Variants in SLC2A11 observed in about 807,000 individuals in gnomAD.
SLC2A11 encodes solute carrier family 2, facilitated glucose transporter member 11.
Under a neutral mutation model 52.1 loss-of-function variants are expected in SLC2A11, and 43 were observed. That is an observed-to-expected ratio of 0.82 (90% CI 0.65 to 1.06). The LOEUF (loss-of-function observed/expected upper bound fraction) is 1.06. Among genes scored for constraint, SLC2A11 ranks in the 50% least tolerant of loss-of-function variants. The pLI is 0.00. For synonymous variants in SLC2A11, 261 were observed against 277.6 expected, an observed-to-expected ratio of 0.94 and a Z score of 0.59; for missense variants, 582 against 654.2, an observed-to-expected ratio of 0.89 and a Z score of 1.20.
At chr22:23,870,214 C>A in intron 3 of SLC2A11, 1 of 586,626 alleles carries the variant, frequency 1.7e-6, no homozygotes, top group Non-Finnish European at 3.0e-6. Context: ...ATAACTATTG[C>A]GCGGCTATCT....
At chr22:23,870,422 G>A (rs2032415423) in intron 3 of SLC2A11, 1 of 204,722 alleles carries the variant, frequency 4.9e-6, no homozygotes, top group African/African-American at 2.3e-5. Flanking sequence ...TTGTGTAGGG[G>A]AACACAACCA....
At chr22:23,860,885 G>A (rs1354176191) in intron 1 of SLC2A11, among the ~76,000 whole-genome samples, 16 of 143,386 alleles carry the variant, frequency 1.1e-4, no homozygotes, top group African/African-American at 4.2e-4. Context: ...TCGCTCTGTC[G>A]CCCAGGCTGG....
At chr22:23,863,634 T>TG (rs1555885263) in intron 2 of SLC2A11, among the ~76,000 whole-genome samples, 6 of 146,372 alleles carry the variant, frequency 4.1e-5, no homozygotes, top group African/African-American at 1.0e-4. Context: ...TTTTTTTTTT[T>TG]GGGACAGAGT....
intron 6 of SLC2A11, among the ~76,000 whole-genome samples, chr22:23,878,733 T>C (rs955863382): frequency 5.3e-5 from 8 of 152,204 alleles, no homozygotes; most frequent in African/African-American, 1.2e-4. Flanking sequence ...TTATTACTTA[T>C]GTCTCTCCTC....
At chr22:23,883,327 C>T (rs1443836477) in intron 8 of SLC2A11, 2 of 322,166 alleles carry the variant, frequency 6.2e-6, no homozygotes, top group Non-Finnish European at 1.2e-5. Context: ...AAAAATTAGC[C>T]AGGCGTGGTG....
intron 3 of SLC2A11, chr22:23,870,239 C>G: frequency 1.8e-6 from 1 of 555,616 alleles, no homozygotes; most frequent in Non-Finnish European, 3.2e-6. Flanking sequence ...ATACCTGGTA[C>G]AGTTGGCATA....
chr22:23,862,325 T>C (rs531564810), intron 2 of SLC2A11, 123 bp downstream of exon 2: 13 of 865,178 alleles, frequency 1.5e-5, no homozygotes, highest in African/African-American at 8.3e-5. Flanking sequence ...TTTGTCTCCA[T>C]TGGGTTGGCC....
At chr22:23,859,359 GC>G (rs923937419) in intron 1 of SLC2A11, among the ~76,000 whole-genome samples, 6 of 152,332 alleles carry the variant, frequency 3.9e-5, no homozygotes, top group African/African-American at 1.4e-4. Context: ...GCAGGATTCT[GC>G]CCTCCAGAGC....
Position 23,877,871 on chromosome 22 carries a change from T to A in SLC2A11, c.694+2T>A. The A allele has an allele frequency of 6.2e-7, 1 of 1,608,710 alleles. No individual in the cohort carries two copies. The highest frequency in any genetic ancestry group is 8.5e-7 in the Non-Finnish European group (1 of 1,177,236). ...GAGACACCGAGGCCTGCCTGGCAGG[T>A]GAGTCTCTGTCCTTGGGCTCCCAGA... On this transcript the variant is annotated splice_donor_variant, in intron 6 of 11. Transcript: ENST00000316185. LOFTEE classifies it high-confidence loss of function.
chr22:23,875,172 G>A lies in SLC2A11; in HGVS notation c.346G>A (p.Gly116Arg). ...IFVVSAAILF[G>R]FSRKAGSFEM... Reference sequence around the variant, plus strand: ...TGTGGTGTCAGCAGCAATCCTGTTTGGATTCAGCCGCAAAGCAGGCTCCTT... The same window carrying A: ...TGTGGTGTCAGCAGCAATCCTGTTTAGATTCAGCCGCAAAGCAGGCTCCTT... The change falls in exon 4 of 12, where the codon GGA becomes AGA. Residue 116 changes from glycine to arginine, a missense_variant. Coordinates refer to ENST00000316185, the MANE Select transcript of SLC2A11 (RefSeq NM_001024939.4). 6.3e-7 allele frequency: 1 copy of A among 1,592,454 alleles called. No individual in the cohort carries two copies. Among genetic ancestry groups the A allele is most frequent in the Non-Finnish European group, 8.6e-7 (1 of 1,168,696 alleles).
chr22:23,874,765 A>T (rs1416049104), intron 3 of SLC2A11, among the ~76,000 whole-genome samples: 8 of 151,638 alleles, frequency 5.3e-5, no homozygotes, highest in African/African-American at 1.5e-4. Context: ...TTTTTTTTGT[A>T]TTTTTTGTAG....
intron 5 of SLC2A11, 110 bp downstream of exon 5, chr22:23,877,281 G>T: frequency 6.5e-7 from 1 of 1,528,892 alleles, no homozygotes; most frequent in Non-Finnish European, 9.0e-7. Flanking sequence ...TTATTGCTTT[G>T]CATGAAGGCA....
intron 1 of SLC2A11, among the ~76,000 whole-genome samples, chr22:23,861,788 A>G (rs987635441): frequency 2.6e-5 from 4 of 152,226 alleles, no homozygotes; most frequent in African/African-American, 9.6e-5. Flanking sequence ...GTCTTCCCCA[A>G]ACACAGCAGA....
chr22:23,884,489 A>G lies in SLC2A11; in HGVS notation c.1299+60A>G. 2 of 1,580,364 alleles carry G rather than the reference A, an allele frequency of 1.3e-6. No individual in the cohort carries two copies. Among genetic ancestry groups the G allele is most frequent in the Middle Eastern group, 1.7e-4 (1 of 5,908 alleles). On this transcript the variant is annotated intron_variant, in intron 11 of 11. Coordinates refer to ENST00000316185, the MANE Select transcript of SLC2A11 (RefSeq NM_001024939.4). This position sits in a 1 kb window ranked among gnomAD's most constrained non-coding sequence, Gnocchi z 4.3. The stretch of plus-strand genomic sequence containing the variant: ...AGGCTGTGTCCCTGTCATCCTGAGA[A>G]CCCCAGGGGGAGGCTTCCATCCAGG...
In SLC2A11 at chr22:23,877,097, C is replaced by T. The variant is rs1408400974; in HGVS notation, c.471C>T (p.Leu157=). 1.9e-6 allele frequency: 3 copies of T among 1,613,902 alleles called. No homozygotes were observed. In the East Asian group the frequency reaches 6.7e-5, roughly 36 times the overall value. The change falls in exon 5 of 12, where the codon CTC becomes CTT. Residue 157 remains leucine, a synonymous_variant. Coordinates refer to ENST00000316185, the MANE Select transcript of SLC2A11 (RefSeq NM_001024939.4). The part of the protein sequence containing the change: ...MYLGESAPKE[L]RGAVAMSSAI... The stretch of plus-strand genomic sequence containing the variant: ...TGGGGGAGAGCGCCCCTAAGGAGCT[C>T]CGAGGAGCTGTGGCCATGAGCTCAG...
chr22:23,868,434 CCCCACGCCA>C (rs745587328), intron 2 of SLC2A11, 38 bp from the exon 3 acceptor site: 4 of 1,606,766 alleles, frequency 2.5e-6, no homozygotes, highest in Non-Finnish European at 1.7e-6. Context: ...CATCTAGCAC[CCCCACGCCA>C]CCATCCCCAG....
At chr22:23,877,976 T>A (rs2032680055) in intron 6 of SLC2A11, 107 bp downstream of exon 6, 1 of 1,327,536 alleles carries the variant, frequency 7.5e-7, no homozygotes. Flanking sequence ...GGAAAAGCTA[T>A]CCCTCTCTTT....
chr22:23,882,445 C>T lies in SLC2A11; in HGVS notation c.695-14C>T. 2 of 1,521,050 alleles carry T rather than the reference C, an allele frequency of 1.3e-6. No homozygotes were observed. The highest frequency in any genetic ancestry group is 1.8e-6 in the Non-Finnish European group (2 of 1,136,236). The allele number at this position is 1,521,050 out of a possible 1,614,324, so 94.2% of individuals were successfully genotyped here. ...TTGGGGACGGGGAGCTCAGTACCCT[C>T]CTCCCTGGCTCAGCACTACGGCGGC... On this transcript the variant is annotated splice_polypyrimidine_tract_variant and intron_variant, in intron 6 of 11. Transcript: ENST00000316185.
intron 3 of SLC2A11, among the ~76,000 whole-genome samples, chr22:23,873,549 C>A (rs1374486503): frequency 6.6e-6 from 1 of 151,948 alleles, no homozygotes; most frequent in Non-Finnish European, 1.5e-5. Context: ...ACCTCGTGAT[C>A]CCCCCACCTC....
Sources: allele counts gnomAD v4.1 joint callset (sites outside exome capture counted in the v4.1 genomes callset), GRCh38; gene constraint gnomAD v4.1.1; non-coding constraint Gnocchi (gnomAD v3.1); transcripts MANE v1.5; gene names NCBI Gene and HGNC (gene_info 2026-07-23, HGNC 2026-07-21).